Variants in RAB3B observed in about 807,000 individuals in gnomAD.
RAB3B encodes RAB3B, member RAS oncogene family.
RAB3B carries 11 observed loss-of-function variants against 20.5 expected under a neutral mutation model. That is an observed-to-expected ratio of 0.54 (90% confidence interval 0.34 to 0.89). RAB3B has a LOEUF of 0.89. Ranked by LOEUF, RAB3B falls within the 40% of genes least tolerant of loss-of-function variation. The pLI, the probability that RAB3B is intolerant of heterozygous loss-of-function variation, is 0.02. For missense variants in RAB3B, 225 were observed against 280.9 expected, an observed-to-expected ratio of 0.80 and a Z score of 1.42; for synonymous variants, 99 against 106.3, an observed-to-expected ratio of 0.93 and a Z score of 0.42.
chr1:51,922,531 T>C (rs936842191), intron 4 of RAB3B, among the ~76,000 whole-genome samples: 2 of 152,132 alleles, frequency 1.3e-5, no homozygotes, highest in Non-Finnish European at 2.9e-5. Flanking sequence ...TATGACATGA[T>C]TGGCATGTGA....
Position 51,910,320 on chromosome 1 carries a change from A to C in RAB3B, c.*9607T>G, listed in dbSNP as rs1036077107. On this transcript the variant is annotated 3_prime_UTR_variant, in exon 5 of 5. Coordinates refer to ENST00000371655, the MANE Select transcript of RAB3B (RefSeq NM_002867.4). ...AGCTCAGCCTGGCACACACGGGTCCATAAATTAAGTCCTCCTTGAGGTGGA... is the reference window on the plus strand; with the variant it reads ...AGCTCAGCCTGGCACACACGGGTCCCTAAATTAAGTCCTCCTTGAGGTGGA... 6.6e-6 allele frequency: 1 copy of C among 152,184 alleles called. No individual in the cohort carries two copies. The highest frequency in any genetic ancestry group is 2.4e-5 in the African/African-American group (1 of 41,454). The allele number at this position is 152,184 out of a possible 1,614,324, so 9.4% of individuals were successfully genotyped here.
intron 1 of RAB3B, chr1:51,980,762 C>T (rs950934049): frequency 2.7e-6 from 2 of 754,404 alleles, no homozygotes; most frequent in Non-Finnish European, 4.8e-6. Flanking sequence ...GACCAAACAC[C>T]CCCACCCTGA....
intron 1 of RAB3B, chr1:51,980,701 T>C: frequency 1.3e-6 from 1 of 756,472 alleles, no homozygotes. Context: ...CTATGCGAGT[T>C]GTGCAATTCA....
At chr1:51,937,800 G>C (rs1684428003) in intron 2 of RAB3B, among the ~76,000 whole-genome samples, 1 of 151,844 alleles carries the variant, frequency 6.6e-6, no homozygotes, top group South Asian at 2.1e-4. Flanking sequence ...CCCAACCCAA[G>C]GCATATTTAA....
intron 1 of RAB3B, among the ~76,000 whole-genome samples, chr1:51,977,349 A>T (rs1037219065): frequency 6.6e-6 from 1 of 152,238 alleles, no homozygotes; most frequent in African/African-American, 2.4e-5. Flanking sequence ...TTTACTGAGC[A>T]CATTGATCTG....
chr1:51,937,939 A>G (rs960867839), intron 2 of RAB3B, among the ~76,000 whole-genome samples: 3 of 152,016 alleles, frequency 2.0e-5, no homozygotes, highest in African/African-American at 4.8e-5. Flanking sequence ...GAACAAGCAC[A>G]TAAGAAATGT....
Position 51,937,032 on chromosome 1 carries a change from T to C in RAB3B, c.347+262A>G, listed in dbSNP as rs577359858. 2.6e-5 allele frequency among the ~76,000 whole-genome samples: 4 copies of C among 152,302 alleles called. No homozygotes were observed. In the South Asian group the frequency reaches 8.3e-4, roughly 32 times the overall value. ...TTTCACCATGTTGGCTAGGCTGGTC[T>C]CAAACTCCTGACCTCGGGTGATCTG... On this transcript the variant is annotated intron_variant, in intron 3 of 4. Coordinates refer to ENST00000371655, the MANE Select transcript of RAB3B (RefSeq NM_002867.4).
intron 1 of RAB3B, among the ~76,000 whole-genome samples, chr1:51,984,000 C>T (rs1280750511): frequency 2.0e-5 from 3 of 151,050 alleles, no homozygotes; most frequent in Admixed American, 1.3e-4. Flanking sequence ...CGCGGTGGCT[C>T]ATGCCTGTAA....
intron 2 of RAB3B, among the ~76,000 whole-genome samples, chr1:51,965,203 G>C (rs1684833105): frequency 7.4e-6 from 1 of 134,362 alleles, no homozygotes; most frequent in Non-Finnish European, 1.6e-5. Flanking sequence ...CTGGGTGACA[G>C]AGTGAAATTC....
At chr1:51,968,455 T>C (rs1188956474) in intron 2 of RAB3B, among the ~76,000 whole-genome samples, 2 of 152,222 alleles carry the variant, frequency 1.3e-5, no homozygotes, top group Non-Finnish European at 2.9e-5. Flanking sequence ...ATTCATTTAT[T>C]GGGCTCATAA....
intron 2 of RAB3B, among the ~76,000 whole-genome samples, chr1:51,942,431 G>T (rs2124263884): frequency 6.6e-6 from 1 of 152,312 alleles, no homozygotes; most frequent in African/African-American, 2.4e-5. Flanking sequence ...ACAGGGCTGT[G>T]CACACAGTAG....
intron 2 of RAB3B, among the ~76,000 whole-genome samples, chr1:51,944,185 C>T (rs188218744): frequency 3.3e-5 from 5 of 152,312 alleles, no homozygotes; most frequent in Admixed American, 1.3e-4. Context: ...TAAATCTACC[C>T]TGCCTGTGCT....
chr1:51,935,753 A>G (rs1684389908), intron 3 of RAB3B, among the ~76,000 whole-genome samples: 1 of 151,902 alleles, frequency 6.6e-6, no homozygotes, highest in South Asian at 2.1e-4. Context: ...GGGAGAGGGG[A>G]GGAAGGGAGG....
chr1:51,979,268 CTT>C (rs112504777), intron 1 of RAB3B, among the ~76,000 whole-genome samples: 10 of 136,604 alleles, frequency 7.3e-5, no homozygotes, highest in East Asian at 2.1e-4. Context: ...AGGCATTATG[CTT>C]TTTTTTTTTT....
chr1:51,952,810 CT>C (rs1327396293), intron 2 of RAB3B, among the ~76,000 whole-genome samples: 5 of 152,146 alleles, frequency 3.3e-5, no homozygotes, highest in African/African-American at 1.2e-4. Flanking sequence ...AAACACACCC[CT>C]TTTCTGGAAA....
At chr1:51,979,242 A>G (rs1216083647) in intron 1 of RAB3B, among the ~76,000 whole-genome samples, 1 of 151,310 alleles carries the variant, frequency 6.6e-6, no homozygotes, top group Non-Finnish European at 1.5e-5. Context: ...GGCTGTTGCA[A>G]GAACTTGCCA....
At chr1:51,979,149 G>A (rs1685049824) in intron 1 of RAB3B, among the ~76,000 whole-genome samples, 1 of 152,186 alleles carries the variant, frequency 6.6e-6, no homozygotes, top group African/African-American at 2.4e-5. Context: ...GGAAGAAAGT[G>A]AGGTTGGAAG....
intron 1 of RAB3B, among the ~76,000 whole-genome samples, chr1:51,978,762 G>A (rs1553231690): frequency 6.6e-6 from 1 of 152,164 alleles, no homozygotes. Flanking sequence ...TGGTGTCTGG[G>A]TTTTCATTCT....
At position 51,908,265 on chromosome 1, in the gene RAB3B, G is replaced by T. The variant is rs781669464; in HGVS notation, c.*11662C>A. On this transcript the variant is annotated 3_prime_UTR_variant, in exon 5 of 5. Transcript: ENST00000371655. ...TAGTTAGAATCTGATGAGGAGAGACGTGAGAGCTATTGTTCCTCTCTCTGC... is the reference window on the plus strand; with the variant it reads ...TAGTTAGAATCTGATGAGGAGAGACTTGAGAGCTATTGTTCCTCTCTCTGC... 3 of 152,046 alleles carry T rather than the reference G, an allele frequency of 2.0e-5. No homozygotes were observed. Among genetic ancestry groups the T allele is most frequent in the Non-Finnish European group, 2.9e-5 (2 of 68,026 alleles). The allele number at this position is 152,046 out of a possible 1,614,324, so 9.4% of individuals were successfully genotyped here.
Sources: allele counts gnomAD v4.1 joint callset (sites outside exome capture counted in the v4.1 genomes callset), GRCh38; gene constraint gnomAD v4.1.1; transcripts MANE v1.5; gene names NCBI Gene and HGNC (gene_info 2026-07-23, HGNC 2026-07-21).